The following RIN3 variants were observed in gnomAD, a reference collection of about 807,000 sequenced individuals.
The protein encoded by RIN3 is RAB5 interacting protein 3.
In RIN3, 54 loss-of-function variants were observed where a neutral mutation model predicts 76.3. The ratio of observed to expected loss-of-function variants is 0.71; its 90% CI spans 0.57 to 0.89. RIN3 has a LOEUF of 0.89. Among genes scored for constraint, RIN3 ranks in the 40% least tolerant of loss-of-function variants. The pLI is 0.00. For missense variants in RIN3, 1,256 were observed against 1,322.1 expected (o/e 0.95, Z 0.78); for synonymous variants, 576 against 564.0 (o/e 1.02, Z -0.30).
At chr14:92,592,195 A>G (rs1885000523) in intron 3 of RIN3, among the ~76,000 whole-genome samples, 1 of 152,062 alleles carries the variant, frequency 6.6e-6, no homozygotes, top group Non-Finnish European at 1.5e-5. Context: ...TGAGGTCAGG[A>G]GTTTGAGACC....
In RIN3 at chr14:92,652,745, A is replaced by G. The variant is rs1887511436; in HGVS notation, c.1696A>G (p.Ser566Gly). ...GGAGCTGGAGCAGTTCAGCAGCCCCAGCGTGAAGAAGAAGCCCTCCATGAT... is the reference window on the plus strand; with the variant it reads ...GGAGCTGGAGCAGTTCAGCAGCCCCGGCGTGAAGAAGAAGCCCTCCATGAT... ...EEELEQFSSP[S>G]VKKKPSMILG... Residue 566 changes from serine to glycine, a missense_variant, in exon 6 of 10, where the codon AGC (serine) becomes GGC (glycine). By Grantham distance (56) the Ser-to-Gly change is moderately conservative (BLOSUM62 0). Transcript: ENST00000216487. This position sits in a 1 kb window ranked among gnomAD's most constrained non-coding sequence, Gnocchi z 6.4. 6 of 1,613,890 alleles carry G rather than the reference A, an allele frequency of 3.7e-6. No homozygotes were observed. Among genetic ancestry groups the G allele is most frequent in the Non-Finnish European group, 4.2e-6 (5 of 1,180,038 alleles).
At chr14:92,538,344 A>G (rs1331619314) in intron 1 of RIN3, among the ~76,000 whole-genome samples, 3 of 152,208 alleles carry the variant, frequency 2.0e-5, no homozygotes, top group African/African-American at 4.8e-5. Context: ...TGCTTTCTTT[A>G]TAGGTAAAAA....
chr14:92,517,466 C>T (rs1896473882), intron 1 of RIN3, among the ~76,000 whole-genome samples: 3 of 152,128 alleles, frequency 2.0e-5, no homozygotes, highest in Non-Finnish European at 4.4e-5. Flanking sequence ...CAGAAAGAGC[C>T]TTAACATGGG....
intron 7 of RIN3, among the ~76,000 whole-genome samples, chr14:92,667,170 G>A (rs1888134889): frequency 6.6e-6 from 1 of 152,174 alleles, no homozygotes; most frequent in African/African-American, 2.4e-5. Flanking sequence ...GGGGTAGAGA[G>A]GACAGGGAGG....
rs529047468 is a variant in RIN3 at position 92,653,551 on chromosome 14, C to T, written c.2026+476C>T. Among the ~76,000 whole-genome samples, 3 of 152,318 alleles carry T rather than the reference C, an allele frequency of 2.0e-5. 1 individual carries two copies. In the South Asian group the frequency reaches 6.2e-4, roughly 32 times the overall value. ...CATATGCACCCAGATCCCTCTTTCACGCTCTGCTTTCAGGGAACCAGCCCC... is the reference window on the plus strand; with the variant it reads ...CATATGCACCCAGATCCCTCTTTCATGCTCTGCTTTCAGGGAACCAGCCCC... On this transcript the variant is annotated intron_variant, in intron 6 of 9. Transcript: ENST00000216487.
At chr14:92,545,053 ATTTTT>A (rs1438441661) in intron 1 of RIN3, among the ~76,000 whole-genome samples, 1 of 129,480 alleles carries the variant, frequency 7.7e-6, no homozygotes, top group African/African-American at 2.9e-5. Flanking sequence ...ATTAGGGTTG[ATTTTT>A]TTGTTTGTTT....
chr14:92,591,502 C>A (rs1398734955), intron 3 of RIN3, among the ~76,000 whole-genome samples: 1 of 151,834 alleles, frequency 6.6e-6, no homozygotes, highest in Non-Finnish European at 1.5e-5. Context: ...AAACACTGAG[C>A]AAGATCAATG....
intron 8 of RIN3, among the ~76,000 whole-genome samples, 196 bp downstream of exon 8, chr14:92,676,802 T>G (rs916689894): frequency 6.6e-6 from 1 of 152,040 alleles, no homozygotes; most frequent in African/African-American, 2.4e-5. Flanking sequence ...GATGAGCCAG[T>G]CAAGAGACTG....
chr14:92,525,214 A>G (rs1016273983), intron 1 of RIN3, among the ~76,000 whole-genome samples: 1 of 152,188 alleles, frequency 6.6e-6, no homozygotes, highest in Admixed American at 6.5e-5. Flanking sequence ...GGCACCCTAC[A>G]GGCTACCAAG....
chr14:92,632,888 G>A (rs1363558010), intron 4 of RIN3, among the ~76,000 whole-genome samples: 1 of 152,226 alleles, frequency 6.6e-6, no homozygotes, highest in African/African-American at 2.4e-5. Context: ...CGCATAATGG[G>A]TGGGAGGTAA....
At chr14:92,659,667 A>C in intron 7 of RIN3, 198 bp downstream of exon 7, 1 of 494,794 alleles carries the variant, frequency 2.0e-6, no homozygotes. Context: ...GAGGAGAGCC[A>C]TGATCGGCTG....
At chr14:92,611,978 TG>T (rs1885755422) in intron 3 of RIN3, among the ~76,000 whole-genome samples, 1 of 151,894 alleles carries the variant, frequency 6.6e-6, no homozygotes, top group Non-Finnish European at 1.5e-5. Flanking sequence ...CAGAGCAAGG[TG>T]GGGGGCAGGG....
intron 8 of RIN3, among the ~76,000 whole-genome samples, chr14:92,677,370 C>T (rs1888503936): frequency 1.3e-5 from 2 of 152,172 alleles, no homozygotes; most frequent in Admixed American, 1.3e-4. Context: ...CCCTCTGAGA[C>T]ATCAGCTTCA....
intron 4 of RIN3, among the ~76,000 whole-genome samples, chr14:92,627,453 G>A (rs11160083): frequency 0.17 from 25,537 of 152,100 alleles, 3,035 homozygotes; most frequent in African/African-American, 0.32. Flanking sequence ...CACTCACCCC[G>A]GACAGCAGTA....
chr14:92,527,742 A>G (rs1896780408), intron 1 of RIN3, among the ~76,000 whole-genome samples: 1 of 152,032 alleles, frequency 6.6e-6, no homozygotes. Flanking sequence ...CGTCCTGTGA[A>G]TGGAATCACA....
At position 92,669,696 on chromosome 14, in the gene RIN3, G is replaced by A. The variant is rs774295799; in HGVS notation, c.2336-6779G>A. ...GCTCAGTCCTTTCCTCTCCATCAGC[G>A]TCTGCAAACTGTGGCCCTCCCAGCC... On this transcript the variant is annotated intron_variant, in intron 7 of 9. Transcript: ENST00000216487. 2.5e-4 allele frequency among the ~76,000 whole-genome samples: 38 copies of A among 152,218 alleles called. No individual in the cohort carries two copies. In the East Asian group the frequency reaches 3.5e-3, roughly 14 times the overall value.
intron 1 of RIN3, among the ~76,000 whole-genome samples, chr14:92,544,414 T>TGGGGGGGGGGGGG (rs71123353): frequency 5.8e-4 from 43 of 74,560 alleles, no homozygotes; most frequent in Admixed American, 1.5e-3. Context: ...GTGACAGCTG[T>TGGGGGGGGGGGGG]GGGGGGGGGG....
chr14:92,532,988 G>C (rs1383549671), intron 1 of RIN3, among the ~76,000 whole-genome samples: 2 of 152,200 alleles, frequency 1.3e-5, no homozygotes, highest in Non-Finnish European at 2.9e-5. Flanking sequence ...AGGAGGAGGG[G>C]CCGGCAAACA....
chr14:92,654,492 G>C (rs1887591575), intron 6 of RIN3, among the ~76,000 whole-genome samples: 1 of 152,210 alleles, frequency 6.6e-6, no homozygotes, highest in African/African-American at 2.4e-5. Context: ...GAAAGAGTCA[G>C]TGCTGGGTAC....
Sources: allele counts gnomAD v4.1 joint callset (sites outside exome capture counted in the v4.1 genomes callset), GRCh38; gene constraint gnomAD v4.1.1; non-coding constraint Gnocchi (gnomAD v3.1); transcripts MANE v1.5; gene names NCBI Gene and HGNC (gene_info 2026-07-23, HGNC 2026-07-21).